The following RASSF2 variants were observed in gnomAD, a reference collection of about 807,000 sequenced individuals.
RASSF2 encodes the protein ras association domain-containing protein 2.
A neutral mutation model predicts 46.3 loss-of-function variants in RASSF2; 34 were observed. The observed-to-expected ratio is 0.73, with a 90% CI of 0.56 to 0.98. The LOEUF (loss-of-function observed/expected upper bound fraction) is 0.98, where lower values mean the gene tolerates loss of function less well. Among genes scored for constraint, RASSF2 ranks in the 50% least tolerant of loss-of-function variants. The probability of loss-of-function intolerance (pLI) is 0.00; values close to 1 mark genes in which losing one functional copy is unlikely to be tolerated. For synonymous variants in RASSF2, 158 were observed against 162.5 expected (o/e 0.97, Z 0.21); for missense variants, 364 against 431.2 (o/e 0.84, Z 1.38).
At chr20:4,785,920 C>T (rs559811447) in intron 11 of RASSF2, among the ~76,000 whole-genome samples, 1 of 152,228 alleles carries the variant, frequency 6.6e-6, no homozygotes, top group Non-Finnish European at 1.5e-5. Flanking sequence ...GTCACCTTCC[C>T]TATTTCTGCA....
chr20:4,783,961 T>C lies in RASSF2; in HGVS notation c.*312A>G, dbSNP rs910507858. The stretch of plus-strand genomic sequence containing the variant: ...TTGTGCTGGTTGCCTGGAATTTAAT[T>C]ACATGTGAAAGTATCAGGTAGGCAC... On this transcript the variant is annotated 3_prime_UTR_variant, in exon 12 of 12. Coordinates refer to ENST00000379400, the MANE Select transcript of RASSF2 (RefSeq NM_014737.3). 2 of 279,268 alleles carry C rather than the reference T, an allele frequency of 7.2e-6. No individual in the cohort carries two copies. The highest frequency in any genetic ancestry group is 1.4e-5 in the Non-Finnish European group (2 of 145,128). 17.3% of individuals were successfully genotyped at this position (279,268 alleles called of 1,614,324 possible). A position where few individuals can be genotyped will look rare whatever the true frequency, so the allele number is the denominator to read the frequency against.
At position 4,782,933 on chromosome 20, in the gene RASSF2, A is replaced by G. The variant is rs1924970326; in HGVS notation, c.*1340T>C. The G allele has an allele frequency of 6.6e-6, 1 of 152,300 alleles. No homozygotes were observed. The highest frequency in any genetic ancestry group is 1.5e-5 in the Non-Finnish European group (1 of 68,104). The allele number at this position is 152,300 out of a possible 1,614,324, so 9.4% of individuals were successfully genotyped here. On this transcript the variant is annotated 3_prime_UTR_variant, in exon 12 of 12. Coordinates refer to ENST00000379400, the MANE Select transcript of RASSF2 (RefSeq NM_014737.3). ...AACGATATCAGCTGCACTGATGCCC[A>G]GCTGCCTGTCAAGCTTCCTGATAGG...
In RASSF2 at chr20:4,822,949, T is replaced by C. The variant is rs16990257; in HGVS notation, c.-107-546A>G. On this transcript the variant is annotated intron_variant, in intron 1 of 11. Transcript: ENST00000379400. ...AGTCTCAGAGACCCCGGGGATGGGG[T>C]GGGAGCGCCTTCCCATCGCGGGCTC... Among the ~76,000 whole-genome samples, 154 of 151,878 alleles carry C rather than the reference T, an allele frequency of 1.0e-3. 1 individual carries two copies. The highest frequency in any genetic ancestry group is 0.01 in the East Asian group (52 of 5,136).
chr20:4,822,752 C>A (rs1276618667), intron 1 of RASSF2, among the ~76,000 whole-genome samples: 1 of 152,236 alleles, frequency 6.6e-6, no homozygotes, highest in East Asian at 1.9e-4. Flanking sequence ...GGGCCAACGG[C>A]CCCCGCGCAC....
In RASSF2 at chr20:4,788,267, A is replaced by G; in HGVS notation, c.641T>C (p.Ile214Thr). 1 of 1,607,658 alleles carries G rather than the reference A, an allele frequency of 6.2e-7. No individual in the cohort carries two copies. The highest frequency in any genetic ancestry group is 8.5e-7 in the Non-Finnish European group (1 of 1,174,070). Residue 214 changes from isoleucine to threonine, a missense_variant and splice_region_variant, in exon 9 of 12, where the codon ATT becomes ACT. By Grantham distance (89) the Ile-to-Thr change is moderately conservative. Coordinates refer to ENST00000379400, the MANE Select transcript of RASSF2 (RefSeq NM_014737.3). ...VLKLLLNKFK[I>T]ENSAEEFALY... ...GGCAAACTCCTCTGCTGAATTCTCA[A>G]TCTGAAGCAGGAGCAAAAGATTCTT...
intron 2 of RASSF2, among the ~76,000 whole-genome samples, chr20:4,804,556 C>T (rs1927184160): frequency 6.6e-6 from 1 of 152,034 alleles, no homozygotes; most frequent in Non-Finnish European, 1.5e-5. Flanking sequence ...CCAGGCTGGT[C>T]TTGAACTCCT....
At chr20:4,821,692 A>G (rs1418890139) in intron 2 of RASSF2, among the ~76,000 whole-genome samples, 2 of 151,914 alleles carry the variant, frequency 1.3e-5, no homozygotes, top group African/African-American at 4.8e-5. Flanking sequence ...ACCAGTCCAC[A>G]CTCCACGTGC....
At chr20:4,798,143 GT>G in intron 3 of RASSF2, 58 bp from the exon 4 acceptor site, 1 of 1,600,518 alleles carries the variant, frequency 6.2e-7, no homozygotes, top group African/African-American at 1.3e-5. Context: ...TTATAATGCA[GT>G]TGTTCCCTCT....
At chr20:4,823,271 G>A (rs2122722243) in intron 1 of RASSF2, among the ~76,000 whole-genome samples, 1 of 152,198 alleles carries the variant, frequency 6.6e-6, no homozygotes, top group Admixed American at 6.5e-5. Flanking sequence ...TCCCGCGCCA[G>A]TGCCTCGCTC....
intron 5 of RASSF2, among the ~76,000 whole-genome samples, chr20:4,794,180 G>A (rs911735238): frequency 1.3e-5 from 2 of 152,026 alleles, no homozygotes; most frequent in Admixed American, 6.6e-5. Flanking sequence ...ATCCCAGCAC[G>A]TTGGGAAGTC....
intron 5 of RASSF2, among the ~76,000 whole-genome samples, chr20:4,793,273 A>G (rs1926059884): frequency 6.6e-6 from 1 of 152,212 alleles, no homozygotes; most frequent in African/African-American, 2.4e-5. Context: ...AACTTCTCAA[A>G]GCCAAAAAGG....
Position 4,787,642 on chromosome 20 carries a change from G to A in RASSF2, c.804C>T (p.Val268=), listed in dbSNP as rs761846556. 1.2e-6 allele frequency: 2 copies of A among 1,614,182 alleles called. No homozygotes were observed. Among genetic ancestry groups the A allele is most frequent in the Non-Finnish European group, 1.7e-6 (2 of 1,180,024 alleles). ...CCCAAAGGGAACTCACGTCGTAGGT[G>A]ACTTCCTCCACCTGGTCCTTCTCCA... ...FLMEKDQVEE[V]TYDVAQYIKF... is the part of the protein sequence containing the mutation. Residue 268 remains valine (V), a synonymous_variant, in exon 10 of 12, where the codon GTC becomes GTT. Coordinates refer to ENST00000379400, the MANE Select transcript of RASSF2 (RefSeq NM_014737.3).
intron 11 of RASSF2, among the ~76,000 whole-genome samples, chr20:4,785,617 G>T (rs1282708413): frequency 6.6e-6 from 1 of 152,160 alleles, no homozygotes; most frequent in Admixed American, 6.5e-5. Context: ...GGGAGGAAGG[G>T]GGAGAGGAGA....
chr20:4,809,361 C>T (rs1249692086), intron 2 of RASSF2, among the ~76,000 whole-genome samples: 3 of 152,036 alleles, frequency 2.0e-5, no homozygotes, highest in Non-Finnish European at 4.4e-5. Context: ...CCCATGCTCC[C>T]CCTCAGACCC....
At chr20:4,786,854 CG>C (rs1925395274) in intron 10 of RASSF2, among the ~76,000 whole-genome samples, 1 of 152,010 alleles carries the variant, frequency 6.6e-6, no homozygotes, top group South Asian at 2.1e-4. Flanking sequence ...GAGGCTGAGG[CG>C]GGCGGATCAC....
At chr20:4,787,598 C>A (rs1223258961) in intron 10 of RASSF2, 35 bp downstream of exon 10, 1 of 1,613,998 alleles carries the variant, frequency 6.2e-7, no homozygotes, top group Non-Finnish European at 8.5e-7. Flanking sequence ...CCCCACCCTC[C>A]TGAGGACAGA....
intron 9 of RASSF2, 82 bp from the exon 10 acceptor site, chr20:4,787,836 C>G: frequency 3.0e-6 from 2 of 676,190 alleles, no homozygotes; most frequent in Non-Finnish European, 4.2e-6. Context: ...CCAAAGGCAC[C>G]TTAGGAGATG....
At chr20:4,802,914 A>ATAT (rs201370394) in intron 2 of RASSF2, among the ~76,000 whole-genome samples, 92 of 95,580 alleles carry the variant, frequency 9.6e-4, no homozygotes, top group Middle Eastern at 0.01. Context: ...ATATATATAT[A>ATAT]TTTTTTTTTT....
chr20:4,804,526 A>G (rs1270768653), intron 2 of RASSF2, among the ~76,000 whole-genome samples: 1 of 151,930 alleles, frequency 6.6e-6, no homozygotes, highest in East Asian at 1.9e-4. Flanking sequence ...TTTAGTGGAG[A>G]CGGGGTTTCA....
Sources: gnomAD v4.1 joint callset for allele counts (sites outside exome capture counted in the v4.1 genomes callset) on GRCh38, gnomAD v4.1.1 for gene constraint, MANE v1.5 for transcripts, NCBI Gene and HGNC (gene_info 2026-07-23, HGNC 2026-07-21) for gene names.